The following MYO9B variants were observed in gnomAD, a reference collection of about 807,000 sequenced individuals.
MYO9B encodes unconventional myosin-IXb.
MYO9B carries 71 observed loss-of-function variants against 229.5 expected under a neutral mutation model. The ratio of observed to expected loss-of-function variants is 0.31; its 90% confidence interval spans 0.26 to 0.38. The LOEUF (loss-of-function observed/expected upper bound fraction) is 0.38, where lower values mean the gene tolerates loss of function less well. Among genes scored for constraint, MYO9B ranks in the 10% least tolerant of loss-of-function variants. The pLI is 1.00. For missense variants in MYO9B, 2,255 were observed against 2,920.5 expected (o/e 0.77, Z 5.25); for synonymous variants, 1,185 against 1,235.8 (o/e 0.96, Z 0.86).
intron 11 of MYO9B, among the ~76,000 whole-genome samples, chr19:17,169,751 A>G (rs893549437): frequency 4.3e-5 from 6 of 138,896 alleles, no homozygotes; most frequent in Admixed American, 2.2e-4. Context: ...TCCTCTTCAC[A>G]TGGACTTCTT....
In MYO9B at chr19:17,210,734, G is replaced by A. The variant is rs759905722; in HGVS notation, c.5816G>A (p.Arg1939Gln). 34 of 1,555,602 alleles carry A rather than the reference G, an allele frequency of 2.2e-5. No individual in the cohort carries two copies. Among genetic ancestry groups the A allele is most frequent in the Middle Eastern group, 1.7e-4 (1 of 5,750 alleles). ...TTTCAGAACAAGAGCCCCAAGACCCGGGACATCCAGGAGGAGGAGCTGGAG... is the reference window on the plus strand; with the variant it reads ...TTTCAGAACAAGAGCCCCAAGACCCAGGACATCCAGGAGGAGGAGCTGGAG... ...EGVLNKSPKT[R>Q]DIQEEELEVL... The change falls in exon 38 of 40, where the codon CGG becomes CAG. Residue 1939 changes from arginine to glutamine, a missense_variant. This residue lies in a region of MYO9B where 331 missense variants were observed against 332.5 expected (regional missense o/e 1.00). Coordinates refer to ENST00000682292, the MANE Select transcript of MYO9B (RefSeq NM_004145.4).
At chr19:17,109,105 C>G (rs2057822709) in intron 2 of MYO9B, among the ~76,000 whole-genome samples, 1 of 146,640 alleles carries the variant, frequency 6.8e-6, no homozygotes, top group East Asian at 2.1e-4. Context: ...TTCTCTCTGT[C>G]TCCGGGCTGG....
chr19:17,191,039 C>T (rs772353020), intron 19 of MYO9B, 58 bp from the exon 20 acceptor site: 27 of 1,551,292 alleles, frequency 1.7e-5, no homozygotes, highest in East Asian at 2.3e-5. Context: ...ATCTCTGTCT[C>T]CTCATCGCTG....
intron 2 of MYO9B, among the ~76,000 whole-genome samples, chr19:17,140,225 G>A (rs2072321079): frequency 6.6e-6 from 1 of 152,190 alleles, no homozygotes; most frequent in Non-Finnish European, 1.5e-5. Flanking sequence ...TGTAGACCAG[G>A]TGGCTGAAAC....
intron 2 of MYO9B, among the ~76,000 whole-genome samples, chr19:17,140,932 A>G (rs1211451646): frequency 1.3e-5 from 2 of 151,518 alleles, no homozygotes; most frequent in African/African-American, 4.8e-5. Context: ...GTAAAACCCC[A>G]TCTCTACTAA....
chr19:17,096,178 C>T (rs553053456), intron 1 of MYO9B, among the ~76,000 whole-genome samples: 1 of 152,256 alleles, frequency 6.6e-6, no homozygotes, highest in East Asian at 1.9e-4. Context: ...CATTGTTGAA[C>T]CATATTCCAT....
chr19:17,162,870 C>T (rs917577287), intron 9 of MYO9B, 118 bp from the exon 10 acceptor site: 5 of 1,149,948 alleles, frequency 4.3e-6, no homozygotes, highest in South Asian at 1.6e-5. Context: ...AGTGTTCTGC[C>T]GAGCAACAGG....
At chr19:17,156,166 G>A (rs1373673962) in intron 6 of MYO9B, among the ~76,000 whole-genome samples, 3 of 152,124 alleles carry the variant, frequency 2.0e-5, no homozygotes, top group African/African-American at 7.2e-5. Flanking sequence ...CTGGTGTTGG[G>A]GGGCTCTAGG....
intron 1 of MYO9B, among the ~76,000 whole-genome samples, chr19:17,077,512 C>T (rs890037897): frequency 1.3e-5 from 2 of 152,112 alleles, no homozygotes; most frequent in African/African-American, 2.4e-5. Flanking sequence ...TCTTCTGATC[C>T]CGCAGCCCTG....
At chr19:17,207,036 A>C in intron 34 of MYO9B, 77 bp from the exon 35 acceptor site, 1 of 1,553,812 alleles carries the variant, frequency 6.4e-7, no homozygotes, top group Non-Finnish European at 8.7e-7. Flanking sequence ...CCCAGGGCTC[A>C]GAAGTTCAGT....
intron 2 of MYO9B, 29 bp downstream of exon 2, chr19:17,102,586 G>A (rs1485856124): frequency 2.0e-6 from 3 of 1,526,940 alleles, no homozygotes; most frequent in Middle Eastern, 1.7e-4. Context: ...CGGTCTGTGG[G>A]AGGGGGCATT....
intron 2 of MYO9B, among the ~76,000 whole-genome samples, chr19:17,105,522 C>T (rs2057784981): frequency 6.6e-6 from 1 of 151,898 alleles, no homozygotes; most frequent in African/African-American, 2.4e-5. Context: ...GAGATTCCTC[C>T]ATGTCTTTTC....
chr19:17,144,328 G>A (rs2072379728), intron 2 of MYO9B, among the ~76,000 whole-genome samples: 1 of 152,052 alleles, frequency 6.6e-6, no homozygotes, highest in Admixed American at 6.6e-5. Flanking sequence ...ACCGAGTCTG[G>A]GCATGATGGT....
chr19:17,088,409 T>C (rs952963400), intron 1 of MYO9B, among the ~76,000 whole-genome samples: 3 of 152,232 alleles, frequency 2.0e-5, no homozygotes, highest in Admixed American at 2.0e-4. Context: ...GCATGAGTTT[T>C]GGGGAGCACG....
At chr19:17,201,886 A>G (rs2145492848) in intron 26 of MYO9B, 40 bp from the exon 27 acceptor site, 6 of 1,530,416 alleles carry the variant, frequency 3.9e-6, no homozygotes, top group Non-Finnish European at 5.4e-6. Context: ...GCAGGTCCCC[A>G]GGCCTGAGGC....
intron 2 of MYO9B, 58 bp downstream of exon 2, chr19:17,102,615 T>A: frequency 6.8e-7 from 1 of 1,480,204 alleles, no homozygotes; most frequent in Non-Finnish European, 9.0e-7. Flanking sequence ...AAATGCGGGT[T>A]TCAGGCCAAG....
At chr19:17,183,732 C>T (rs1041486050) in intron 15 of MYO9B, 97 bp from the exon 16 acceptor site, 2 of 1,027,324 alleles carry the variant, frequency 1.9e-6, no homozygotes, top group Non-Finnish European at 2.9e-6. Context: ...CTCTCTGTGT[C>T]TCTCAGTCTA....
chr19:17,172,316 G>C lies in MYO9B; in HGVS notation c.1794-20G>C. The stretch of plus-strand genomic sequence containing the variant: ...TCAGCCGCTGTTCATGCCTGCAAAG[G>C]TTCCATGTTCTGTTCCCAGCTTCCC... On this transcript the variant is annotated intron_variant, in intron 11 of 39. Coordinates refer to ENST00000682292, the MANE Select transcript of MYO9B (RefSeq NM_004145.4). The surrounding 1 kb of genome is among the most constrained non-coding windows in gnomAD (Gnocchi z 8.2). 1 of 1,613,558 alleles carries C rather than the reference G, an allele frequency of 6.2e-7. No homozygotes were observed. The highest frequency in any genetic ancestry group is 8.5e-7 in the Non-Finnish European group (1 of 1,179,696).
At chr19:17,140,089 G>T (rs1421223255) in intron 2 of MYO9B, among the ~76,000 whole-genome samples, 1 of 152,106 alleles carries the variant, frequency 6.6e-6, no homozygotes, top group Non-Finnish European at 1.5e-5. Context: ...TGGGTGGATG[G>T]ATGGATGCAT....
Sources: allele counts gnomAD v4.1 joint callset (sites outside exome capture counted in the v4.1 genomes callset), GRCh38; gene constraint gnomAD v4.1.1; regional missense constraint gnomAD v4.1.1; non-coding constraint Gnocchi (gnomAD v3.1); transcripts MANE v1.5; gene names NCBI Gene and HGNC (gene_info 2026-07-23, HGNC 2026-07-21).